The following CDKAL1 variants were observed in gnomAD, a reference collection of about 807,000 sequenced individuals.
CDKAL1 encodes the protein CDKAL1 threonylcarbamoyladenosine tRNA methylthiotransferase, also known as threonylcarbamoyladenosine tRNA methylthiotransferase.
Under a neutral mutation model 68.2 loss-of-function variants are expected in CDKAL1, and 32 were observed. The observed-to-expected ratio is 0.47, with a 90% CI of 0.35 to 0.63. The LOEUF (loss-of-function observed/expected upper bound fraction) is 0.63. CDKAL1 is among the 30% of genes least tolerant of loss of function. CDKAL1 has a pLI of 0.00. For missense variants in CDKAL1, 606 were observed against 696.7 expected (o/e 0.87, Z 1.47); for synonymous variants, 234 against 244.3 (o/e 0.96, Z 0.39).
chr6:20,866,049 C>T (rs1759890919), intron 9 of CDKAL1, among the ~76,000 whole-genome samples: 1 of 152,112 alleles, frequency 6.6e-6, no homozygotes, highest in African/African-American at 2.4e-5. Flanking sequence ...TCTTGTTTTG[C>T]TTTACTTTTT....
At chr6:20,701,449 T>A (rs1163428931) in intron 5 of CDKAL1, among the ~76,000 whole-genome samples, 1 of 152,184 alleles carries the variant, frequency 6.6e-6, no homozygotes, top group East Asian at 1.9e-4. Flanking sequence ...TCCTTATCAT[T>A]CCCTGTTGTA....
intron 12 of CDKAL1, among the ~76,000 whole-genome samples, chr6:21,079,366 G>A (rs529611162): frequency 6.6e-6 from 1 of 152,308 alleles, no homozygotes; most frequent in East Asian, 1.9e-4. Context: ...CTAGGTGGCA[G>A]GGGAACAGAG....
intron 13 of CDKAL1, among the ~76,000 whole-genome samples, chr6:21,173,624 G>A (rs1319880965): frequency 6.6e-6 from 1 of 152,226 alleles, no homozygotes; most frequent in East Asian, 1.9e-4. Context: ...GTGCTAGGTA[G>A]TGGGGCTATA....
chr6:20,953,800 G>A (rs892435301), intron 9 of CDKAL1, among the ~76,000 whole-genome samples: 3 of 152,148 alleles, frequency 2.0e-5, no homozygotes, highest in Non-Finnish European at 4.4e-5. Flanking sequence ...TTAAGCAAAG[G>A]TTTATTATTT....
intron 5 of CDKAL1, among the ~76,000 whole-genome samples, chr6:20,689,061 C>T (rs1770756572): frequency 6.6e-6 from 1 of 152,210 alleles, no homozygotes; most frequent in Admixed American, 6.5e-5. Context: ...CATTTAGGCT[C>T]TGGTGACACC....
At chr6:21,058,458 CTT>C (rs1170080140) in intron 11 of CDKAL1, among the ~76,000 whole-genome samples, 1 of 152,208 alleles carries the variant, frequency 6.6e-6, no homozygotes, top group African/African-American at 2.4e-5. Flanking sequence ...GGTCTTGACT[CTT>C]TACCCAGCTT....
intron 9 of CDKAL1, among the ~76,000 whole-genome samples, chr6:20,930,925 A>G (rs7775995): frequency 0.34 from 51,205 of 151,518 alleles, 8,756 homozygotes; most frequent in African/African-American, 0.39. Context: ...TTGTATTTTT[A>G]GTAGAGACGG....
At chr6:20,733,993 ACAAAAATTTGC>A (rs1305939548) in intron 5 of CDKAL1, among the ~76,000 whole-genome samples, 2 of 152,042 alleles carry the variant, frequency 1.3e-5, no homozygotes, top group African/African-American at 4.8e-5. Flanking sequence ...TACTAAAAAT[ACAAAAATTTGC>A]CAGGTGTGGT....
At chr6:20,619,421 A>G (rs1767076551) in intron 4 of CDKAL1, among the ~76,000 whole-genome samples, 1 of 152,234 alleles carries the variant, frequency 6.6e-6, no homozygotes, top group Non-Finnish European at 1.5e-5. Flanking sequence ...GCATACATCA[A>G]TTAACTAGAT....
intron 9 of CDKAL1, among the ~76,000 whole-genome samples, chr6:20,938,751 T>G (rs1355574691): frequency 6.6e-6 from 1 of 152,196 alleles, no homozygotes; most frequent in Non-Finnish European, 1.5e-5. Flanking sequence ...AAGCTCAATT[T>G]ATTATTTTTA....
At chr6:21,064,523 A>AT (rs1353360773) in intron 11 of CDKAL1, among the ~76,000 whole-genome samples, 3 of 152,186 alleles carry the variant, frequency 2.0e-5, no homozygotes, top group East Asian at 1.9e-4. Context: ...CATTAAGCTA[A>AT]TTTTTTTAAA....
intron 13 of CDKAL1, among the ~76,000 whole-genome samples, chr6:21,130,619 G>A (rs1265467287): frequency 6.6e-6 from 1 of 152,186 alleles, no homozygotes; most frequent in Non-Finnish European, 1.5e-5. Context: ...ACAGATGGCA[G>A]GGGAAGTTAT....
At chr6:20,824,561 A>T (rs1438748074) in intron 8 of CDKAL1, among the ~76,000 whole-genome samples, 4 of 152,168 alleles carry the variant, frequency 2.6e-5, no homozygotes, top group African/African-American at 9.6e-5. Context: ...GGCCACCCTT[A>T]GTTTCTTGCC....
chr6:21,175,875 TA>T (rs1408902387), intron 13 of CDKAL1, among the ~76,000 whole-genome samples: 2 of 152,260 alleles, frequency 1.3e-5, no homozygotes, highest in African/African-American at 4.8e-5. Flanking sequence ...TAAGCATTTG[TA>T]ACATTACTTT....
At chr6:20,748,993 G>GTA (rs200979898) in intron 6 of CDKAL1, among the ~76,000 whole-genome samples, 1 of 147,466 alleles carries the variant, frequency 6.8e-6, no homozygotes, top group African/African-American at 2.7e-5. Flanking sequence ...ATATGTATGT[G>GTA]TGTGTATATA....
chr6:21,125,972 A>C (rs1249341562), intron 13 of CDKAL1, among the ~76,000 whole-genome samples: 1 of 152,224 alleles, frequency 6.6e-6, no homozygotes, highest in Non-Finnish European at 1.5e-5. Context: ...GCTCTGGAGG[A>C]CTAGTACAGT....
intron 13 of CDKAL1, among the ~76,000 whole-genome samples, chr6:21,193,512 G>A (rs1338034515): frequency 2.6e-5 from 4 of 151,974 alleles, no homozygotes; most frequent in East Asian, 1.9e-4. Flanking sequence ...CCCTACTTCC[G>A]TCCCACTTCT....
intron 15 of CDKAL1, among the ~76,000 whole-genome samples, chr6:21,220,735 C>G (rs1401287649): frequency 6.6e-6 from 1 of 152,206 alleles, no homozygotes; most frequent in Non-Finnish European, 1.5e-5. Flanking sequence ...AAGCCCACAG[C>G]TGGAGTGTCG....
At chr6:21,081,072 T>C (rs1405084710) in intron 12 of CDKAL1, among the ~76,000 whole-genome samples, 4 of 152,216 alleles carry the variant, frequency 2.6e-5, no homozygotes, top group Non-Finnish European at 5.9e-5. Flanking sequence ...TTGTGCTTTG[T>C]AGTGATAGAA....
Sources: gnomAD v4.1 joint callset for allele counts (sites outside exome capture counted in the v4.1 genomes callset) on GRCh38, gnomAD v4.1.1 for gene constraint, MANE v1.5 for transcripts, NCBI Gene and HGNC (gene_info 2026-07-23, HGNC 2026-07-21) for gene names.